Variants in XRCC4 observed in about 807,000 individuals in gnomAD.
The protein encoded by XRCC4 is X-ray repair cross complementing 4.
Under a neutral mutation model 39.1 loss-of-function variants are expected in XRCC4, and 28 were observed. The ratio of observed to expected loss-of-function variants is 0.72; its 90% CI spans 0.53 to 0.98. The LOEUF is 0.98. XRCC4 is among the 50% of genes least tolerant of loss of function. The pLI is 0.00. For missense variants in XRCC4, 350 were observed against 376.4 expected, an observed-to-expected ratio of 0.93 and a Z score of 0.58; for synonymous variants, 123 against 126.4, an observed-to-expected ratio of 0.97 and a Z score of 0.18.
chr5:83,294,448 C>G (rs552459388), intron 7 of XRCC4, among the ~76,000 whole-genome samples: 15 of 152,128 alleles, frequency 9.9e-5, no homozygotes, highest in African/African-American at 3.4e-4. Context: ...TCTGAAAAGT[C>G]ATGTGCTCCA....
At chr5:83,150,811 T>C (rs1748668122) in intron 3 of XRCC4, among the ~76,000 whole-genome samples, 1 of 152,166 alleles carries the variant, frequency 6.6e-6, no homozygotes, top group African/African-American at 2.4e-5. Flanking sequence ...ATGATAAAGA[T>C]AAATGTAATT....
At chr5:83,085,272 A>G (rs1015183752) in intron 1 of XRCC4, among the ~76,000 whole-genome samples, 1 of 152,184 alleles carries the variant, frequency 6.6e-6, no homozygotes, top group Non-Finnish European at 1.5e-5. Context: ...TCTTGACAGT[A>G]TAAATATTGA....
chr5:83,193,482 T>C (rs1750802157), intron 3 of XRCC4, among the ~76,000 whole-genome samples: 1 of 152,214 alleles, frequency 6.6e-6, no homozygotes, highest in South Asian at 2.1e-4. Flanking sequence ...TTTACACTGA[T>C]TAGCTGCAAA....
chr5:83,231,286 T>G (rs1440190853), intron 6 of XRCC4, among the ~76,000 whole-genome samples: 2 of 152,182 alleles, frequency 1.3e-5, no homozygotes, highest in Middle Eastern at 3.4e-3. Context: ...CAGTAGGAAT[T>G]TAAAGATCCC....
chr5:83,219,531 T>C (rs1283823252), intron 6 of XRCC4, among the ~76,000 whole-genome samples: 1 of 152,078 alleles, frequency 6.6e-6, no homozygotes, highest in Non-Finnish European at 1.5e-5. Flanking sequence ...GATGATGAGA[T>C]AAGAAGAGAA....
intron 6 of XRCC4, among the ~76,000 whole-genome samples, chr5:83,225,434 T>C (rs536995156): frequency 6.6e-6 from 1 of 152,018 alleles, no homozygotes; most frequent in East Asian, 1.9e-4. Flanking sequence ...CCAAAAGGGA[T>C]AGCTGCTGGA....
At chr5:83,187,490 G>C (rs1477070575) in intron 3 of XRCC4, among the ~76,000 whole-genome samples, 4 of 152,094 alleles carry the variant, frequency 2.6e-5, no homozygotes, top group African/African-American at 9.7e-5. Flanking sequence ...CATCTTTGGG[G>C]GAACATCATT....
intron 3 of XRCC4, among the ~76,000 whole-genome samples, chr5:83,159,946 G>T (rs1749128628): frequency 6.6e-6 from 1 of 152,036 alleles, no homozygotes; most frequent in South Asian, 2.1e-4. Context: ...CTGAAATTCT[G>T]ATTATAAAAG....
At chr5:83,211,434 T>G (rs940162540) in intron 6 of XRCC4, among the ~76,000 whole-genome samples, 2 of 152,236 alleles carry the variant, frequency 1.3e-5, no homozygotes, top group Non-Finnish European at 2.9e-5. Flanking sequence ...TCTACTAACC[T>G]GGTTGTGCTC....
intron 7 of XRCC4, among the ~76,000 whole-genome samples, chr5:83,320,925 C>T (rs561710809): frequency 2.7e-5 from 4 of 150,862 alleles, no homozygotes; most frequent in African/African-American, 9.8e-5. Flanking sequence ...AATTCTTCTG[C>T]CTCAGCCTCC....
intron 7 of XRCC4, among the ~76,000 whole-genome samples, chr5:83,276,249 C>T (rs1688057611): frequency 6.6e-6 from 1 of 152,078 alleles, no homozygotes; most frequent in Non-Finnish European, 1.5e-5. Flanking sequence ...AAATACTGTA[C>T]AGAAAGTGCT....
At chr5:83,151,538 AATTACT>A (rs1320103061) in intron 3 of XRCC4, among the ~76,000 whole-genome samples, 3 of 152,202 alleles carry the variant, frequency 2.0e-5, no homozygotes, top group Non-Finnish European at 4.4e-5. Flanking sequence ...AAAAAACTTG[AATTACT>A]ATAAACCTGA....
At chr5:83,331,644 T>C (rs1013879087) in intron 7 of XRCC4, among the ~76,000 whole-genome samples, 5 of 152,092 alleles carry the variant, frequency 3.3e-5, no homozygotes, top group Non-Finnish European at 7.4e-5. Flanking sequence ...GTACTATAAA[T>C]GAATGTTTAC....
chr5:83,368,176 G>T, the XRCC4 span, among the ~76,000 whole-genome samples: 1 of 152,092 alleles, frequency 6.6e-6, no homozygotes, highest in South Asian at 2.1e-4. Flanking sequence ...TTGATTAAGA[G>T]AATACACTTA....
Position 83,301,902 on chromosome 5 carries a change from T to A in XRCC4, c.893+43225T>A, listed in dbSNP as rs146846164. ...ATGGTTGTAGATACGTGGTGTTATGTCTGAGCCCTCTGTTCTGTTCCATTG... is the reference window on the plus strand; with the variant it reads ...ATGGTTGTAGATACGTGGTGTTATGACTGAGCCCTCTGTTCTGTTCCATTG... On this transcript the variant is annotated intron_variant, in intron 7 of 7. Coordinates refer to ENST00000396027, the MANE Select transcript of XRCC4 (RefSeq NM_003401.5). 2.7e-3 allele frequency among the ~76,000 whole-genome samples: 418 copies of A among 152,310 alleles called. 2 individuals are homozygous for A. Among genetic ancestry groups the A allele is most frequent in the African/African-American group, 9.6e-3 (400 of 41,568 alleles).
At chr5:83,363,045 G>A in the XRCC4 span, among the ~76,000 whole-genome samples, 2 of 152,164 alleles carry the variant, frequency 1.3e-5, no homozygotes, top group Non-Finnish European at 2.9e-5. Flanking sequence ...GGAGGCAGAC[G>A]TGTAAACAGA....
chr5:83,129,678 A>C (rs1580262271), intron 3 of XRCC4, among the ~76,000 whole-genome samples: 1 of 152,028 alleles, frequency 6.6e-6, no homozygotes, highest in African/African-American at 2.4e-5. Context: ...TTCTCCTTGA[A>C]GAGGTCCTTC....
intron 7 of XRCC4, among the ~76,000 whole-genome samples, chr5:83,327,640 A>T (rs768477233): frequency 1.3e-5 from 2 of 152,122 alleles, no homozygotes; most frequent in Non-Finnish European, 2.9e-5. Flanking sequence ...TCAATCAGTT[A>T]TCAATAAAGC....
intron 7 of XRCC4, among the ~76,000 whole-genome samples, chr5:83,277,092 A>C (rs1028287954): frequency 2.0e-5 from 3 of 152,226 alleles, no homozygotes; most frequent in Admixed American, 1.3e-4. Context: ...GTGAATCAAA[A>C]GAATTTGTTG....
Sources: allele counts gnomAD v4.1 joint callset (sites outside exome capture counted in the v4.1 genomes callset), GRCh38; gene constraint gnomAD v4.1.1; transcripts MANE v1.5; gene names NCBI Gene and HGNC (gene_info 2026-07-23, HGNC 2026-07-21).